The following MBD5 variants were observed in gnomAD, a reference collection of about 807,000 sequenced individuals.
MBD5 encodes methyl-CpG-binding domain protein 5.
Under a neutral mutation model 117.3 loss-of-function variants are expected in MBD5, and 13 were observed. The observed-to-expected ratio is 0.11, with a 90% CI of 0.07 to 0.18. The LOEUF is 0.18. MBD5 is among the 10% of genes least tolerant of loss of function. The pLI is 1.00. For synonymous variants in MBD5, 727 were observed against 766.4 expected, an observed-to-expected ratio of 0.95 and a Z score of 0.85; for missense variants, 1,879 against 2,093.8, an observed-to-expected ratio of 0.90 and a Z score of 2.00.
intron 1 of MBD5, among the ~76,000 whole-genome samples, chr2:148,052,992 A>G (rs1216910171): frequency 6.7e-6 from 1 of 150,058 alleles, no homozygotes; most frequent in East Asian, 2.0e-4. Flanking sequence ...AGAGAGAGAC[A>G]ATGTGTATTC....
chr2:148,288,937 T>G (rs1244298217), intron 3 of MBD5, among the ~76,000 whole-genome samples: 1 of 152,196 alleles, frequency 6.6e-6, no homozygotes, highest in Admixed American at 6.5e-5. Context: ...CCTGCAGTGA[T>G]CTCTCTCATC....
intron 4 of MBD5, among the ~76,000 whole-genome samples, chr2:148,407,523 A>G (rs138018637): frequency 1.6e-3 from 237 of 152,276 alleles, no homozygotes; most frequent in African/African-American, 5.3e-3. Flanking sequence ...ATGAATTAGC[A>G]TGGGATTTTA....
chr2:148,234,393 G>C (rs1700049677), intron 3 of MBD5, among the ~76,000 whole-genome samples: 1 of 152,076 alleles, frequency 6.6e-6, no homozygotes, highest in Admixed American at 6.5e-5. Context: ...TGTTTAAAAA[G>C]CCCAGTGTAG....
chr2:148,254,113 T>G (rs1465819812), intron 3 of MBD5, among the ~76,000 whole-genome samples: 6 of 152,154 alleles, frequency 3.9e-5, no homozygotes, highest in Non-Finnish European at 7.3e-5. Flanking sequence ...GCTATGCCAC[T>G]CATGACTATT....
intron 3 of MBD5, among the ~76,000 whole-genome samples, chr2:148,323,645 T>A (rs1486805819): frequency 1.3e-5 from 2 of 152,118 alleles, no homozygotes; most frequent in Non-Finnish European, 2.9e-5. Flanking sequence ...AAATGTCTTC[T>A]TTTGAGAAGT....
chr2:148,126,564 T>G (rs939831669), intron 1 of MBD5, among the ~76,000 whole-genome samples: 4 of 152,198 alleles, frequency 2.6e-5, no homozygotes, highest in Non-Finnish European at 4.4e-5. Context: ...CCCTTCCATA[T>G]TCTCCATACA....
At chr2:148,111,661 A>C (rs1166358002) in intron 1 of MBD5, among the ~76,000 whole-genome samples, 1 of 152,094 alleles carries the variant, frequency 6.6e-6, no homozygotes, top group Non-Finnish European at 1.5e-5. Context: ...TGTTCTTAGG[A>C]GATATCTACT....
chr2:148,183,536 GA>G (rs1342997200), intron 2 of MBD5, among the ~76,000 whole-genome samples: 1 of 151,298 alleles, frequency 6.6e-6, no homozygotes, highest in Non-Finnish European at 1.5e-5. Flanking sequence ...AAAAAAATTG[GA>G]TGTATATATA....
chr2:148,407,369 TTTG>T (rs1448031077), intron 4 of MBD5, among the ~76,000 whole-genome samples: 4 of 150,552 alleles, frequency 2.7e-5, no homozygotes, highest in Non-Finnish European at 4.4e-5. Flanking sequence ...TGTGTGTGTG[TTTG>T]TGTGTGTGTG....
chr2:148,074,500 T>G (rs112099524), intron 1 of MBD5, among the ~76,000 whole-genome samples: 1,143 of 97,892 alleles, frequency 0.012, 10 homozygotes, highest in Middle Eastern at 0.033. Flanking sequence ...TTTTTGTTTT[T>G]TTTTTTGTTT....
At chr2:148,365,014 C>T (rs1302416751) in intron 4 of MBD5, among the ~76,000 whole-genome samples, 1 of 152,158 alleles carries the variant, frequency 6.6e-6, no homozygotes, top group South Asian at 2.1e-4. Flanking sequence ...GAACTCTCCA[C>T]CCCAAATCAA....
Position 148,416,743 on chromosome 2 carries a change from T to C in MBD5, c.-556-41460T>C, listed in dbSNP as rs574548694. 2.6e-5 allele frequency among the ~76,000 whole-genome samples: 4 copies of C among 152,194 alleles called. No homozygotes were observed. In the East Asian group the frequency reaches 7.7e-4, roughly 29 times the overall value. On this transcript the variant is annotated intron_variant, in intron 4 of 13. Transcript: ENST00000642680. ...CCAAGTAGTACACATTGTACTCCAA[T>C]AGCTAGTTTTTCATCCCTCACACTC...
chr2:148,351,668 A>G (rs16828574), intron 4 of MBD5, among the ~76,000 whole-genome samples: 15,096 of 152,052 alleles, frequency 0.099, 957 homozygotes, highest in African/African-American at 0.16. Flanking sequence ...TAACGTTGTA[A>G]GAATAGACAA....
chr2:148,227,312 A>G (rs1366593348), intron 2 of MBD5, among the ~76,000 whole-genome samples: 1 of 152,224 alleles, frequency 6.6e-6, no homozygotes, highest in Non-Finnish European at 1.5e-5. Context: ...GAAGGGATCC[A>G]GTTTCAGCTT....
chr2:148,433,059 T>C (rs1706040337), intron 4 of MBD5, among the ~76,000 whole-genome samples: 1 of 152,126 alleles, frequency 6.6e-6, no homozygotes, highest in African/African-American at 2.4e-5. Flanking sequence ...GTTTTGTAAT[T>C]CTTGTTGTAG....
rs191675538 is a variant in MBD5, at chr2:148,334,659, T to G, written c.-679-7555T>G. ...TGTTTTTGCTTTTTAATAAAATACT[T>G]AAGATAAAATTATATTTTAGTTTGG... On this transcript the variant is annotated intron_variant, in intron 3 of 13. Coordinates refer to ENST00000642680, the MANE Select transcript of MBD5 (RefSeq NM_001378120.1). Among the ~76,000 whole-genome samples, 244 of 152,282 alleles carry G rather than the reference T, an allele frequency of 1.6e-3. 1 individual carries two copies. The highest frequency in any genetic ancestry group is 5.4e-3 in the African/African-American group (225 of 41,562).
At chr2:148,196,891 T>C (rs919946626) in intron 2 of MBD5, among the ~76,000 whole-genome samples, 3 of 152,046 alleles carry the variant, frequency 2.0e-5, no homozygotes, top group Admixed American at 1.3e-4. Flanking sequence ...GTATGTAATA[T>C]AGATTGTATA....
intron 3 of MBD5, among the ~76,000 whole-genome samples, chr2:148,272,305 A>G (rs557648468): frequency 2.0e-5 from 3 of 152,162 alleles, no homozygotes; most frequent in Admixed American, 6.5e-5. Context: ...GATAATACCC[A>G]CTAGTGGGAT....
intron 1 of MBD5, among the ~76,000 whole-genome samples, chr2:148,106,533 A>G (rs1050255933): frequency 1.3e-5 from 2 of 151,966 alleles, no homozygotes; most frequent in Non-Finnish European, 2.9e-5. Context: ...TTGCTGTATC[A>G]TGATACATTT....
Sources: allele counts gnomAD v4.1 joint callset (sites outside exome capture counted in the v4.1 genomes callset), GRCh38; gene constraint gnomAD v4.1.1; transcripts MANE v1.5; gene names NCBI Gene and HGNC (gene_info 2026-07-23, HGNC 2026-07-21).